The following SEC62 variants were observed in gnomAD, a reference collection of about 807,000 sequenced individuals.
SEC62 encodes the protein SEC62 preprotein translocation factor.
A neutral mutation model predicts 47.5 loss-of-function variants in SEC62; 10 were observed. The ratio of observed to expected loss-of-function variants is 0.21; its 90% CI spans 0.13 to 0.36. The LOEUF is 0.36. Among genes scored for constraint, SEC62 ranks in the 10% least tolerant of loss-of-function variants. The pLI, the probability that SEC62 is intolerant of heterozygous loss-of-function variation, is 1.00. For synonymous variants in SEC62, 136 were observed against 150.5 expected (o/e 0.90, Z 0.71); for missense variants, 327 against 464.1 (o/e 0.70, Z 2.71).
At position 169,982,758 on chromosome 3, in the gene SEC62, A is replaced by G; in HGVS notation, c.303A>G (p.Lys101=). 10 of 1,608,688 alleles carry G rather than the reference A, an allele frequency of 6.2e-6. No homozygotes were observed. The highest frequency in any genetic ancestry group is 8.5e-6 in the Non-Finnish European group (10 of 1,176,604). Residue 101 remains lysine (K), a synonymous_variant, in exon 4 of 8, where the codon AAA becomes AAG. Transcript: ENST00000337002. Reference sequence around the variant, plus strand: ...GAGCCCTAAAAGTAATGAAAATGAAATATGATAAAGACATAAAGAAAGAAA... The same window carrying G: ...GAGCCCTAAAAGTAATGAAAATGAAGTATGATAAAGACATAAAGAAAGAAA... ...FHRALKVMKM[K]YDKDIKKEKD... is the part of the protein sequence containing the mutation.
In SEC62 at chr3:169,988,262, C is replaced by T; in HGVS notation, c.633C>T (p.Thr211=). The T allele has an allele frequency of 6.2e-7, 1 of 1,613,618 alleles. No homozygotes were observed. Residue 211 remains threonine (T), a synonymous_variant, in exon 7 of 8, where the codon ACC becomes ACT. Coordinates refer to ENST00000337002, the MANE Select transcript of SEC62 (RefSeq NM_003262.4). The part of the protein sequence containing the change: ...LILVIAVIAA[T]LFPLWPAEMR... ...CAGTGATTGCAGTAATAGCGGCCACCCTCTTCCCCCTTTGGCCAGCAGAAA... is the reference window on the plus strand; with the variant it reads ...CAGTGATTGCAGTAATAGCGGCCACTCTCTTCCCCCTTTGGCCAGCAGAAA...
At chr3:169,966,900 G>A in intron 1 of SEC62, 42 bp downstream of exon 1, 1 of 1,326,340 alleles carries the variant, frequency 7.5e-7, no homozygotes, top group Non-Finnish European at 1.0e-6. Flanking sequence ...CGGCGCGCTG[G>A]ATAGTGGAAG....
At chr3:169,990,078 CAT>C (rs989738017) in intron 7 of SEC62, among the ~76,000 whole-genome samples, 31 of 147,492 alleles carry the variant, frequency 2.1e-4, no homozygotes, top group African/African-American at 6.9e-4. Context: ...TATGATATCT[CAT>C]ATTTATATGA....
chr3:169,988,907 A>T (rs1715169543), intron 7 of SEC62, among the ~76,000 whole-genome samples: 1 of 152,136 alleles, frequency 6.6e-6, no homozygotes, highest in Non-Finnish European at 1.5e-5. Context: ...AACAAATGCA[A>T]CATCTAAATA....
intron 6 of SEC62, among the ~76,000 whole-genome samples, chr3:169,986,165 A>G (rs1245465688): frequency 2.0e-5 from 3 of 152,198 alleles, no homozygotes; most frequent in Non-Finnish European, 4.4e-5. Flanking sequence ...TTAAAGCTGT[A>G]GTGATTAAGA....
chr3:169,977,099 C>G (rs1714854708), intron 3 of SEC62, 48 bp downstream of exon 3: 3 of 1,330,302 alleles, frequency 2.3e-6, no homozygotes, highest in Non-Finnish European at 3.2e-6. Context: ...TTTAAATTTT[C>G]TTCATAGTCC....
chr3:169,993,207 G>T lies in SEC62; in HGVS notation c.*144G>T. ...ATTTGACATTCAAGCAGTTATATTC[G>T]GTCCTTCATTTTATAGAATATTGGC... On this transcript the variant is annotated 3_prime_UTR_variant, in exon 8 of 8. Transcript: ENST00000337002. 1.6e-6 allele frequency: 1 copy of T among 641,494 alleles called. No homozygotes were observed. 39.7% of individuals were successfully genotyped at this position (641,494 alleles called of 1,614,324 possible).
chr3:169,991,528 C>T (rs1025499011), intron 7 of SEC62, among the ~76,000 whole-genome samples: 1 of 152,070 alleles, frequency 6.6e-6, no homozygotes. Flanking sequence ...GACTGGGCAA[C>T]TTGGCAAGAC....
chr3:169,981,662 C>G (rs1040544046), intron 3 of SEC62, among the ~76,000 whole-genome samples: 8 of 152,078 alleles, frequency 5.3e-5, no homozygotes, highest in Non-Finnish European at 1.0e-4. Flanking sequence ...TAAGGGCAAC[C>G]CAATTTCTTG....
chr3:169,973,662 C>CA (rs757037480), intron 1 of SEC62, among the ~76,000 whole-genome samples: 2,029 of 108,540 alleles, frequency 0.019, 37 homozygotes, highest in African/African-American at 0.048. Flanking sequence ...GACTGCGTCT[C>CA]AAAAAAAAAA....
At chr3:169,976,768 G>A (rs941230389) in intron 2 of SEC62, among the ~76,000 whole-genome samples, 178 bp from the exon 3 acceptor site, 1 of 152,150 alleles carries the variant, frequency 6.6e-6, no homozygotes, top group Non-Finnish European at 1.5e-5. Flanking sequence ...ACTTAATATA[G>A]TTCACAAGTT....
At chr3:169,981,639 T>C (rs1264862459) in intron 3 of SEC62, among the ~76,000 whole-genome samples, 1 of 152,184 alleles carries the variant, frequency 6.6e-6, no homozygotes, top group Non-Finnish European at 1.5e-5. Flanking sequence ...AAGTGACTTT[T>C]AGATGACAAA....
chr3:169,992,507 A>C lies in SEC62; in HGVS notation c.731-87A>C, dbSNP rs1428477598. On this transcript the variant is annotated intron_variant, in intron 7 of 7. Coordinates refer to ENST00000337002, the MANE Select transcript of SEC62 (RefSeq NM_003262.4). The surrounding 1 kb of genome is among the most constrained non-coding windows in gnomAD (Gnocchi z 4.0). ...GGTGTATGAAATGTGCAGATAATAA[A>C]ACTGTTTTCCCAGCTTTTTATTAAC... The C allele has an allele frequency of 1.1e-6, 1 of 889,618 alleles. No individual in the cohort carries two copies. The highest frequency in any genetic ancestry group is 1.6e-5 in the South Asian group (1 of 61,808). The allele number at this position is 889,618 out of a possible 1,614,324, so 55.1% of individuals were successfully genotyped here. A position where few individuals can be genotyped will look rare whatever the true frequency, so the allele number is the denominator to read the frequency against.
chr3:169,997,854 T>G lies in SEC62; in HGVS notation c.*4791T>G, dbSNP rs1393195917. 1 of 152,210 alleles carries G rather than the reference T, an allele frequency of 6.6e-6. No homozygotes were observed. Among genetic ancestry groups the G allele is most frequent in the Non-Finnish European group, 1.5e-5 (1 of 68,038 alleles). The allele number at this position is 152,210 out of a possible 1,614,324, so 9.4% of individuals were successfully genotyped here. On this transcript the variant is annotated 3_prime_UTR_variant, in exon 8 of 8. Coordinates refer to ENST00000337002, the MANE Select transcript of SEC62 (RefSeq NM_003262.4). ...CTGAAGTGTAAGCTACCAAATAATT[T>G]ATGATGTGGTAGTTATAGGTGTGCA...
At chr3:169,990,517 A>G (rs967070053) in intron 7 of SEC62, among the ~76,000 whole-genome samples, 2 of 152,116 alleles carry the variant, frequency 1.3e-5, no homozygotes, top group African/African-American at 4.8e-5. Flanking sequence ...ACATTTTGCC[A>G]TACCATTTGT....
intron 1 of SEC62, 73 bp downstream of exon 1, chr3:169,966,931 A>G: frequency 9.1e-7 from 1 of 1,097,738 alleles, no homozygotes; most frequent in South Asian, 1.3e-5. Context: ...AGCCCCCTAA[A>G]AGGGCGAGCG....
chr3:169,993,088 A>G lies in SEC62; in HGVS notation c.*25A>G. On this transcript the variant is annotated 3_prime_UTR_variant, in exon 8 of 8. Transcript: ENST00000337002. Reference sequence around the variant, plus strand: ...ATCTGACTAATTTTGGGACTGAATGAATAAGTACAAGAGGTTGGATTTTCT... The same window carrying G: ...ATCTGACTAATTTTGGGACTGAATGGATAAGTACAAGAGGTTGGATTTTCT... 2 of 1,522,754 alleles carry G rather than the reference A, an allele frequency of 1.3e-6. No homozygotes were observed. Among genetic ancestry groups the G allele is most frequent in the Non-Finnish European group, 1.8e-6 (2 of 1,128,262 alleles). The allele number at this position is 1,522,754 out of a possible 1,614,324, so 94.3% of individuals were successfully genotyped here.
intron 2 of SEC62, 27 bp downstream of exon 2, chr3:169,975,743 T>C: frequency 1.4e-6 from 2 of 1,438,488 alleles, no homozygotes; most frequent in South Asian, 2.3e-5. Flanking sequence ...AAAATCGTAT[T>C]AGTGTACATA....
chr3:169,988,843 G>A (rs1222587050), intron 7 of SEC62, among the ~76,000 whole-genome samples: 2 of 152,044 alleles, frequency 1.3e-5, no homozygotes, highest in Admixed American at 1.3e-4. Flanking sequence ...TGCAGTGGTA[G>A]ATCATTTATT....
Sources: allele counts gnomAD v4.1 joint callset (sites outside exome capture counted in the v4.1 genomes callset), GRCh38; gene constraint gnomAD v4.1.1; non-coding constraint Gnocchi (gnomAD v3.1); transcripts MANE v1.5; gene names NCBI Gene and HGNC (gene_info 2026-07-23, HGNC 2026-07-21).